Variants in DLGAP1 observed in about 807,000 individuals in gnomAD.
The protein encoded by DLGAP1 is disks large-associated protein 1.
A neutral mutation model predicts 90.8 loss-of-function variants in DLGAP1; 11 were observed. That is an observed-to-expected ratio of 0.12 (90% confidence interval 0.08 to 0.20). DLGAP1 has a LOEUF of 0.20. Ranked by LOEUF, DLGAP1 falls within the 10% of genes least tolerant of loss-of-function variation. DLGAP1 has a pLI of 1.00. For missense variants in DLGAP1, 1,050 were observed against 1,333.8 expected (o/e 0.79, Z 3.31); for synonymous variants, 558 against 540.7 (o/e 1.03, Z -0.44).
chr18:3,689,259 A>C (rs1433923683), intron 7 of DLGAP1, among the ~76,000 whole-genome samples: 1 of 152,234 alleles, frequency 6.6e-6, no homozygotes, highest in Non-Finnish European at 1.5e-5. Context: ...CCTAAACCTC[A>C]AACTGTAATT....
At chr18:3,980,948 T>G (rs796583003) in intron 3 of DLGAP1, among the ~76,000 whole-genome samples, 35 of 152,352 alleles carry the variant, frequency 2.3e-4, no homozygotes, top group African/African-American at 7.9e-4. Context: ...CTTTATTAAC[T>G]ATAGTCACCA....
At chr18:4,050,451 C>T (rs1414873361) in intron 2 of DLGAP1, among the ~76,000 whole-genome samples, 1 of 152,166 alleles carries the variant, frequency 6.6e-6, no homozygotes, top group East Asian at 1.9e-4. Context: ...TTCATCCTCA[C>T]TTCATGGAAC....
chr18:3,654,936 G>C (rs2059429255), intron 7 of DLGAP1: 1 of 152,152 alleles, frequency 6.6e-6, no homozygotes, highest in Non-Finnish European at 1.5e-5. Flanking sequence ...ACTTGGTTTT[G>C]TAAAATGTAA....
intron 1 of DLGAP1, among the ~76,000 whole-genome samples, chr18:4,289,516 A>C (rs1205438096): frequency 6.6e-6 from 1 of 152,224 alleles, no homozygotes; most frequent in Non-Finnish European, 1.5e-5. Flanking sequence ...TCCAACATCC[A>C]TGTGAATACC....
intron 4 of DLGAP1, 117 bp from the exon 5 acceptor site, chr18:3,814,390 C>CT: frequency 1.1e-6 from 1 of 892,098 alleles, no homozygotes; most frequent in Non-Finnish European, 1.5e-6. Context: ...GAGATGGGGT[C>CT]TTGCTTTGTC....
intron 1 of DLGAP1, among the ~76,000 whole-genome samples, chr18:4,180,721 CATATA>C (rs1162662670): frequency 1.3e-5 from 2 of 152,172 alleles, no homozygotes; most frequent in Non-Finnish European, 2.9e-5. Context: ...TTCTCACACA[CATATA>C]ATATTCTTTA....
At chr18:4,453,353 TAAAG>T (rs1567936407) in intron 1 of DLGAP1, among the ~76,000 whole-genome samples, 1 of 142,986 alleles carries the variant, frequency 7.0e-6, no homozygotes, top group Non-Finnish European at 1.5e-5. Flanking sequence ...TTTAAAAACT[TAAAG>T]AAAACTTTAT....
chr18:3,578,335 A>C (rs2055276594), intron 8 of DLGAP1, among the ~76,000 whole-genome samples: 1 of 152,040 alleles, frequency 6.6e-6, no homozygotes, highest in South Asian at 2.1e-4. Context: ...GTATAACGAA[A>C]TTCAATGAAT....
intron 7 of DLGAP1, among the ~76,000 whole-genome samples, chr18:3,612,924 C>T (rs1176848897): frequency 6.6e-6 from 1 of 152,036 alleles, no homozygotes; most frequent in African/African-American, 2.4e-5. Flanking sequence ...TCACTGCAAC[C>T]TCTGCCTCCT....
intron 3 of DLGAP1, among the ~76,000 whole-genome samples, chr18:3,945,007 T>C (rs1386294083): frequency 1.3e-5 from 2 of 152,234 alleles, no homozygotes; most frequent in South Asian, 2.1e-4. Flanking sequence ...AAAATCTTTA[T>C]GGTTTCTTAC....
chr18:4,251,279 T>G (rs7227945), intron 1 of DLGAP1, among the ~76,000 whole-genome samples: 24,795 of 152,176 alleles, frequency 0.16, 4,582 homozygotes, highest in African/African-American at 0.46. Flanking sequence ...TTTTCCAGAC[T>G]TGAGATTATA....
intron 1 of DLGAP1, among the ~76,000 whole-genome samples, chr18:4,269,171 G>C (rs1235498186): frequency 6.6e-6 from 1 of 151,448 alleles, no homozygotes; most frequent in Non-Finnish European, 1.5e-5. Context: ...GTAAGATATA[G>C]TAAATGTATC....
At chr18:4,169,738 G>A (rs1341414769) in intron 1 of DLGAP1, among the ~76,000 whole-genome samples, 2 of 152,146 alleles carry the variant, frequency 1.3e-5, no homozygotes, top group African/African-American at 2.4e-5. Context: ...TATGCCACAC[G>A]TGCATGGGCA....
chr18:4,287,230 C>G (rs1377666467), intron 1 of DLGAP1, among the ~76,000 whole-genome samples: 1 of 152,266 alleles, frequency 6.6e-6, no homozygotes, highest in South Asian at 2.1e-4. Context: ...CATCTCACAT[C>G]AGTTAAAAAG....
chr18:3,899,459 C>G (rs1482663209), intron 3 of DLGAP1, among the ~76,000 whole-genome samples: 1 of 152,166 alleles, frequency 6.6e-6, no homozygotes, highest in Non-Finnish European at 1.5e-5. Context: ...CTTTGGGCAA[C>G]AGCAAGAATG....
chr18:4,367,267 T>C (rs997313687), intron 1 of DLGAP1, among the ~76,000 whole-genome samples: 97 of 151,908 alleles, frequency 6.4e-4, no homozygotes, highest in African/African-American at 2.2e-3. Flanking sequence ...AGTGCACATA[T>C]CGTTTTCAGA....
intron 1 of DLGAP1, among the ~76,000 whole-genome samples, chr18:4,315,088 C>A (rs900380830): frequency 2.0e-5 from 3 of 152,126 alleles, no homozygotes; most frequent in African/African-American, 7.2e-5. Context: ...TGAGCATAGA[C>A]CCTGGAGTCA....
In DLGAP1 at chr18:4,046,562, T is replaced by C. The variant is rs2075057263; in HGVS notation, c.-158-41361A>G. On this transcript the variant is annotated intron_variant, in intron 2 of 12. Coordinates refer to ENST00000315677, the MANE Select transcript of DLGAP1 (RefSeq NM_004746.4). The stretch of plus-strand genomic sequence containing the variant: ...CATCAAATAATTAAGTGTTAGAATA[T>C]AGGTCTGTGAAACGTGCTGGACATA... Among the ~76,000 whole-genome samples the C allele has an allele frequency of 2.0e-5, 3 of 152,258 alleles. No homozygotes were observed. In the South Asian group the frequency reaches 6.2e-4, roughly 31 times the overall value.
chr18:3,713,658 A>T (rs1037346659), intron 7 of DLGAP1, among the ~76,000 whole-genome samples: 2 of 152,196 alleles, frequency 1.3e-5, no homozygotes, highest in Non-Finnish European at 2.9e-5. Context: ...AATTTGCTTT[A>T]GGTCTTCCAC....
Sources: gnomAD v4.1 joint callset for allele counts (sites outside exome capture counted in the v4.1 genomes callset) on GRCh38, gnomAD v4.1.1 for gene constraint, MANE v1.5 for transcripts, NCBI Gene and HGNC (gene_info 2026-07-23, HGNC 2026-07-21) for gene names.